UBE2R2: variants seen among roughly 807,000 people sequenced by gnomAD.
UBE2R2 encodes the protein ubiquitin-conjugating enzyme E2 R2.
A neutral mutation model predicts 27.8 loss-of-function variants in UBE2R2; 1 was observed. That is an observed-to-expected ratio of 0.04 (90% CI 0.01 to 0.17). The LOEUF (loss-of-function observed/expected upper bound fraction) is 0.17, where lower values mean the gene tolerates loss of function less well. Among genes scored for constraint, UBE2R2 ranks in the 10% least tolerant of loss-of-function variants. The pLI, the probability that UBE2R2 is intolerant of heterozygous loss-of-function variation, is 1.00. For missense variants in UBE2R2, 100 were observed against 291.0 expected, an observed-to-expected ratio of 0.34 and a Z score of 4.78; for synonymous variants, 106 against 113.3, an observed-to-expected ratio of 0.94 and a Z score of 0.41.
chr9:33,869,740 G>A (rs13296940), intron 1 of UBE2R2, among the ~76,000 whole-genome samples: 10,334 of 152,116 alleles, frequency 0.068, 490 homozygotes, highest in Non-Finnish European at 0.099. Context: ...GTGAGCCACC[G>A]TGCCTGGCCG....
At chr9:33,851,167 A>G (rs72725381) in intron 1 of UBE2R2, among the ~76,000 whole-genome samples, 1 of 152,164 alleles carries the variant, frequency 6.6e-6, no homozygotes, top group African/African-American at 2.4e-5. Flanking sequence ...TTTAAAAACA[A>G]TTAAAATAAA....
At chr9:33,832,903 A>C (rs1032648330) in intron 1 of UBE2R2, among the ~76,000 whole-genome samples, 2 of 152,170 alleles carry the variant, frequency 1.3e-5, no homozygotes, top group African/African-American at 4.8e-5. Flanking sequence ...GAAAAAGATG[A>C]CCACAGCAGG....
At chr9:33,837,026 C>G (rs1820628911) in intron 1 of UBE2R2, among the ~76,000 whole-genome samples, 1 of 151,824 alleles carries the variant, frequency 6.6e-6, no homozygotes, top group African/African-American at 2.4e-5. Flanking sequence ...TCTGTGTGTC[C>G]CTGATTTCTT....
Position 33,917,151 on chromosome 9 carries a change from T to G in UBE2R2, c.631T>G (p.Tyr211Asp). The change falls in exon 5 of 5, where the codon TAT becomes GAT. Residue 211 changes from tyrosine (Y) to aspartate (D), a missense_variant. This residue lies in a region of UBE2R2 where 55 missense variants were observed against 122.6 expected (regional missense o/e 0.45). Coordinates refer to ENST00000263228, the MANE Select transcript of UBE2R2 (RefSeq NM_017811.4). ...NSSDLLYDDL[Y>D]DDDIDDEDEE... ...CTCAGATTTGCTTTACGACGACTTG[T>G]ATGATGACGACATTGATGATGAAGA... 6.2e-7 allele frequency: 1 copy of G among 1,614,198 alleles called. No individual in the cohort carries two copies. The highest frequency in any genetic ancestry group is 8.5e-7 in the Non-Finnish European group (1 of 1,180,038).
intron 1 of UBE2R2, among the ~76,000 whole-genome samples, chr9:33,884,491 C>T (rs1821812568): frequency 6.6e-6 from 1 of 151,772 alleles, no homozygotes; most frequent in South Asian, 2.1e-4. Flanking sequence ...CTTGCCTAGG[C>T]TTGTCTGAAA....
At chr9:33,914,581 T>C (rs1822591251) in intron 4 of UBE2R2, among the ~76,000 whole-genome samples, 3 of 152,090 alleles carry the variant, frequency 2.0e-5, no homozygotes, top group Admixed American at 2.0e-4. Flanking sequence ...ACACCTGTAA[T>C]CCCAACATTT....
At chr9:33,898,835 G>C (rs1159078291) in intron 2 of UBE2R2, among the ~76,000 whole-genome samples, 1 of 152,330 alleles carries the variant, frequency 6.6e-6, no homozygotes, top group East Asian at 1.9e-4. Flanking sequence ...CAAGAGATAA[G>C]TCACTGTATT....
Position 33,919,660 on chromosome 9 carries a change from CCA to C in UBE2R2, c.*2424_*2425del, listed in dbSNP as rs1423748752. 3.9e-5 allele frequency: 6 copies of C among 152,114 alleles called. No homozygotes were observed. Among genetic ancestry groups the C allele is most frequent in the African/African-American group, 1.4e-4 (6 of 41,430 alleles). 9.4% of individuals were successfully genotyped at this position (152,114 alleles called of 1,614,324 possible). On this transcript the variant is annotated 3_prime_UTR_variant, in exon 5 of 5. Transcript: ENST00000263228. ...GTATTTTAGACTGACTGAACGAAAC[CCA>C]GAGGCTGGTTCCAGAGCTCTGTCCC... is the stretch of plus-strand genomic sequence containing the variant.
chr9:33,890,671 G>A (rs1240306178), intron 2 of UBE2R2, among the ~76,000 whole-genome samples: 1 of 152,038 alleles, frequency 6.6e-6, no homozygotes, highest in African/African-American at 2.4e-5. Context: ...TTAGCCAGGC[G>A]CAGTGGCAGG....
At chr9:33,915,676 G>T (rs893583024) in intron 4 of UBE2R2, among the ~76,000 whole-genome samples, 2 of 152,140 alleles carry the variant, frequency 1.3e-5, no homozygotes, top group Non-Finnish European at 2.9e-5. Context: ...AGTATTTATT[G>T]CACACCTCTT....
At chr9:33,824,670 G>A (rs1455243103) in intron 1 of UBE2R2, among the ~76,000 whole-genome samples, 1 of 151,452 alleles carries the variant, frequency 6.6e-6, no homozygotes, top group Non-Finnish European at 1.5e-5. Context: ...GGGTGTGATG[G>A]TCCGCACCTG....
intron 1 of UBE2R2, among the ~76,000 whole-genome samples, chr9:33,841,114 G>T (rs1820724848): frequency 6.6e-6 from 1 of 150,706 alleles, no homozygotes; most frequent in African/African-American, 2.4e-5. Flanking sequence ...ACGAAGTCTT[G>T]CTTTATCCCC....
intron 1 of UBE2R2, among the ~76,000 whole-genome samples, chr9:33,826,229 G>T (rs1418082729): frequency 6.6e-6 from 1 of 151,868 alleles, no homozygotes; most frequent in East Asian, 1.9e-4. Flanking sequence ...TATTCAGCAA[G>T]AAATTGTTAT....
chr9:33,829,959 G>A (rs369782948), intron 1 of UBE2R2, among the ~76,000 whole-genome samples: 11 of 151,378 alleles, frequency 7.3e-5, no homozygotes, highest in African/African-American at 2.7e-4. Context: ...CACCACGCCC[G>A]GCTAATTTTG....
intron 1 of UBE2R2, among the ~76,000 whole-genome samples, chr9:33,824,210 G>A (rs1820248652): frequency 6.6e-6 from 1 of 152,048 alleles, no homozygotes; most frequent in South Asian, 2.1e-4. Flanking sequence ...TTTCTTAGAT[G>A]GCCAGGTGTG....
intron 1 of UBE2R2, among the ~76,000 whole-genome samples, chr9:33,819,065 T>A (rs1425776178): frequency 1.3e-5 from 2 of 152,168 alleles, no homozygotes; most frequent in Non-Finnish European, 2.9e-5. Context: ...ATATTTTAAA[T>A]GATGGGGGCA....
intron 1 of UBE2R2, among the ~76,000 whole-genome samples, chr9:33,875,842 C>A (rs773518173): frequency 2.0e-5 from 3 of 152,174 alleles, no homozygotes; most frequent in Non-Finnish European, 4.4e-5. Flanking sequence ...ATTCTAGTAC[C>A]TTCCCTTCTT....
chr9:33,837,979 G>A (rs62555905), intron 1 of UBE2R2, among the ~76,000 whole-genome samples: 7,688 of 152,152 alleles, frequency 0.051, 281 homozygotes, highest in Middle Eastern at 0.099. Flanking sequence ...ATAGTTTTAT[G>A]TATGTGTAAT....
intron 1 of UBE2R2, among the ~76,000 whole-genome samples, chr9:33,865,464 G>A (rs550733038): frequency 2.6e-5 from 4 of 152,146 alleles, no homozygotes; most frequent in Non-Finnish European, 5.9e-5. Flanking sequence ...CCAAAGTGCT[G>A]GGATTACAGG....
Sources: gnomAD v4.1 joint callset for allele counts (sites outside exome capture counted in the v4.1 genomes callset) on GRCh38, gnomAD v4.1.1 for gene constraint, gnomAD v4.1.1 regional missense constraint, MANE v1.5 for transcripts, NCBI Gene and HGNC (gene_info 2026-07-23, HGNC 2026-07-21) for gene names.